TBCK: variants seen among roughly 807,000 people sequenced by gnomAD.
TBCK encodes the protein TBC1 domain containing kinase.
Under a neutral mutation model 113.4 loss-of-function variants are expected in TBCK, and 99 were observed. The ratio of observed to expected loss-of-function variants is 0.87; its 90% CI spans 0.74 to 1.03. TBCK has a LOEUF of 1.03. Ranked by LOEUF, TBCK falls within the 50% of genes least tolerant of loss-of-function variation. The pLI, the probability that TBCK is intolerant of heterozygous loss-of-function variation, is 0.00. For missense variants in TBCK, 1,045 were observed against 1,061.3 expected (o/e 0.98, Z 0.21); for synonymous variants, 369 against 370.8 (o/e 1.00, Z 0.05).
In TBCK at chr4:106,308,941, G is replaced by C; in HGVS notation, c.20C>G (p.Ala7Gly). The change falls in exon 2 of 26, where the codon GCT becomes GGT. Residue 7 changes from alanine to glycine, a missense_variant. Ala to Gly is a moderately conservative substitution (Grantham distance 60, BLOSUM62 0). Coordinates refer to ENST00000394708, the MANE Select transcript of TBCK (RefSeq NM_001163435.3). Reference sequence around the variant, plus strand: ...AAAGAAGGTAAAGGCTCCCATTTCAGCGTCCTTCAGGGGAAACATTTTTGG... The same window carrying C: ...AAAGAAGGTAAAGGCTCCCATTTCACCGTCCTTCAGGGGAAACATTTTTGG... The part of the protein sequence containing the change: MFPLKD[A>G]EMGAFTFFAS... 2.5e-6 allele frequency: 4 copies of C among 1,613,974 alleles called. No individual in the cohort carries two copies. The highest frequency in any genetic ancestry group is 3.4e-6 in the Non-Finnish European group (4 of 1,179,956).
At chr4:106,280,013 G>A (rs1386141387) in intron 3 of TBCK, among the ~76,000 whole-genome samples, 2 of 152,118 alleles carry the variant, frequency 1.3e-5, no homozygotes, top group African/African-American at 4.8e-5. Flanking sequence ...CCTCCAAACT[G>A]TTCTCCATAG....
intron 23 of TBCK, among the ~76,000 whole-genome samples, chr4:106,150,084 G>A (rs1461873855): frequency 6.6e-6 from 1 of 152,150 alleles, no homozygotes. Flanking sequence ...GAGTCAGGGA[G>A]ACAGAATTAA....
chr4:106,085,400 T>C (rs1222514017), intron 25 of TBCK, among the ~76,000 whole-genome samples: 1 of 152,160 alleles, frequency 6.6e-6, no homozygotes, highest in East Asian at 1.9e-4. Context: ...AAGGGAACAA[T>C]TCAGCAAGAA....
intron 20 of TBCK, among the ~76,000 whole-genome samples, chr4:106,206,386 C>T (rs1269731504): frequency 6.6e-6 from 1 of 152,134 alleles, no homozygotes; most frequent in Non-Finnish European, 1.5e-5. Context: ...AATCTGGGCA[C>T]TTTCTGAAAG....
rs1452573923 is a variant in TBCK at position 106,138,218 on chromosome 4, CAT to C, written c.2236-21842_2236-21841del. Among the ~76,000 whole-genome samples the C allele has an allele frequency of 5.0e-5, 7 of 141,352 alleles. 1 individual carries two copies. Among genetic ancestry groups the C allele is most frequent in the African/African-American group, 1.7e-4 (7 of 40,066 alleles). 92.7% of individuals were successfully genotyped at this position (141,352 alleles called of 152,430 possible). ...TATCAGGTTTCTGTATATGCTCTAT[CAT>C]AATCTCATGGGACCACGGTCATGTA... On this transcript the variant is annotated intron_variant, in intron 23 of 25. Coordinates refer to ENST00000394708, the MANE Select transcript of TBCK (RefSeq NM_001163435.3).
intron 19 of TBCK, among the ~76,000 whole-genome samples, chr4:106,226,094 G>A (rs146179338): frequency 0.025 from 3,825 of 152,202 alleles, 171 homozygotes; most frequent in African/African-American, 0.088. Context: ...AGCACAGGAG[G>A]TGGAGGTTGC....
At chr4:106,186,250 G>C (rs535984089) in intron 22 of TBCK, among the ~76,000 whole-genome samples, 3 of 152,290 alleles carry the variant, frequency 2.0e-5, no homozygotes, top group African/African-American at 4.8e-5. Flanking sequence ...TATATGCCTA[G>C]TAATGGGATT....
At chr4:106,086,777 CA>C (rs1739564230) in intron 25 of TBCK, among the ~76,000 whole-genome samples, 1 of 152,202 alleles carries the variant, frequency 6.6e-6, no homozygotes, top group Non-Finnish European at 1.5e-5. Flanking sequence ...GCTGGCTCAA[CA>C]GATGCAAATC....
intron 25 of TBCK, among the ~76,000 whole-genome samples, chr4:106,071,526 T>C (rs919222126): frequency 6.6e-6 from 1 of 152,200 alleles, no homozygotes; most frequent in African/African-American, 2.4e-5. Flanking sequence ...AACTATGTGG[T>C]CAATTTTGGA....
At chr4:106,217,312 C>T (rs1441148875) in intron 19 of TBCK, among the ~76,000 whole-genome samples, 2 of 152,096 alleles carry the variant, frequency 1.3e-5, no homozygotes, top group African/African-American at 4.8e-5. Context: ...TGGCACAAGA[C>T]AGGGATGACC....
chr4:106,277,039 T>C (rs571654618), intron 3 of TBCK, among the ~76,000 whole-genome samples: 1 of 151,844 alleles, frequency 6.6e-6, no homozygotes, highest in Non-Finnish European at 1.5e-5. Context: ...TGACAAAAAA[T>C]TGAACAAATA....
At chr4:106,137,120 G>C (rs1424895144) in intron 23 of TBCK, among the ~76,000 whole-genome samples, 1 of 140,110 alleles carries the variant, frequency 7.1e-6, no homozygotes, top group Non-Finnish European at 1.6e-5. Context: ...TGTGGTTAGA[G>C]ATAAAAAGTG....
intron 24 of TBCK, among the ~76,000 whole-genome samples, chr4:106,110,861 T>C (rs1052824258): frequency 1.3e-5 from 2 of 152,032 alleles, no homozygotes; most frequent in Non-Finnish European, 1.5e-5. Context: ...CTGAGGCCCC[T>C]CATCCAAAAA....
In TBCK at chr4:106,311,155, GAT is replaced by G. The variant is rs778149450; in HGVS notation, c.-29-2168_-29-2167del. On this transcript the variant is annotated intron_variant, in intron 1 of 25. Transcript: ENST00000394708. ...GGAGTGTAAATTAGTAAAATCACTAGATATGTTTTACACTATCTTGCTATTAT... is the reference window on the plus strand; with the variant it reads ...GGAGTGTAAATTAGTAAAATCACTAGATGTTTTACACTATCTTGCTATTAT... Among the ~76,000 whole-genome samples, 71 of 149,634 alleles carry G rather than the reference GAT, an allele frequency of 4.7e-4. 1 individual carries two copies. Among genetic ancestry groups the G allele is most frequent in the African/African-American group, 1.6e-3 (64 of 40,702 alleles).
intron 25 of TBCK, among the ~76,000 whole-genome samples, chr4:106,072,891 C>A (rs1209285512): frequency 1.3e-5 from 2 of 152,194 alleles, no homozygotes; most frequent in East Asian, 3.9e-4. Flanking sequence ...ATCGAATCAG[C>A]TACTGAAGCT....
intron 3 of TBCK, among the ~76,000 whole-genome samples, chr4:106,274,934 C>T (rs1179713371): frequency 1.3e-5 from 2 of 152,108 alleles, no homozygotes; most frequent in Non-Finnish European, 1.5e-5. Flanking sequence ...GAATTCAAGA[C>T]AAGCCTGGGC....
chr4:106,123,798 A>G (rs1444915150), intron 23 of TBCK, among the ~76,000 whole-genome samples: 5 of 149,654 alleles, frequency 3.3e-5, no homozygotes, highest in African/African-American at 1.2e-4. Flanking sequence ...GGCTAGCCAT[A>G]TGTAGAAAGC....
intron 24 of TBCK, among the ~76,000 whole-genome samples, chr4:106,100,499 T>C (rs1187178056): frequency 5.9e-5 from 9 of 152,192 alleles, no homozygotes; most frequent in Non-Finnish European, 1.0e-4. Flanking sequence ...TTCTTCAGCA[T>C]AGGCTCACTA....
At position 106,235,347 on chromosome 4, in the gene TBCK, G is replaced by GC; in HGVS notation, c.1370_1371insG (p.Asn457LysfsTer10). On this transcript the variant is annotated frameshift_variant, in exon 15 of 26. Coordinates refer to ENST00000394708, the MANE Select transcript of TBCK (RefSeq NM_001163435.3). LOFTEE classifies it high-confidence loss of function. ...CAACTCTTGCTTCTTTCCAGATTTGGTTTTTTTTATATGGATAAGCCTATG... is the reference window on the plus strand; with the variant it reads ...CAACTCTTGCTTCTTTCCAGATTTGGCTTTTTTTTATATGGATAAGCCTATG... The GC allele has an allele frequency of 6.2e-7, 1 of 1,606,466 alleles. No homozygotes were observed. Among genetic ancestry groups the GC allele is most frequent in the Non-Finnish European group, 8.5e-7 (1 of 1,176,304 alleles).
Sources: allele counts gnomAD v4.1 joint callset (sites outside exome capture counted in the v4.1 genomes callset), GRCh38; gene constraint gnomAD v4.1.1; transcripts MANE v1.5; gene names NCBI Gene and HGNC (gene_info 2026-07-23, HGNC 2026-07-21).